PCGF2: variants seen among roughly 807,000 people sequenced by gnomAD.
PCGF2 encodes polycomb group RING finger protein 2.
Under a neutral mutation model 36.1 loss-of-function variants are expected in PCGF2, and 8 were observed. The observed-to-expected ratio is 0.22, with a 90% confidence interval of 0.13 to 0.40. PCGF2 has a LOEUF of 0.40. Ranked by LOEUF, PCGF2 falls within the 10% of genes least tolerant of loss-of-function variation. The pLI is 1.00. For missense variants in PCGF2, 436 were observed against 475.9 expected, an observed-to-expected ratio of 0.92 and a Z score of 0.78; for synonymous variants, 198 against 191.2, an observed-to-expected ratio of 1.04 and a Z score of -0.29.
At chr17:38,741,091 C>T (rs986463716) in intron 2 of PCGF2, among the ~76,000 whole-genome samples, 1 of 151,960 alleles carries the variant, frequency 6.6e-6, no homozygotes, top group South Asian at 2.1e-4. Context: ...GTTTTTAAAA[C>T]TCTTTCCAAT....
intron 2 of PCGF2, among the ~76,000 whole-genome samples, chr17:38,742,831 G>A (rs529558807): frequency 2.0e-5 from 3 of 152,330 alleles, no homozygotes; most frequent in African/African-American, 7.2e-5. Context: ...GGTACTTCCT[G>A]TGACTGCCTG....
upstream of PCGF2, chr17:38,749,430 C>G (rs1041881336): frequency 1.2e-5 from 4 of 329,682 alleles, no homozygotes; most frequent in Non-Finnish European, 2.5e-5. The surrounding 1 kb of genome is among the most constrained non-coding windows in gnomAD (Gnocchi z 6.5). Context: ...GGCTTGGAAA[C>G]GCCGGGAGTA....
chr17:38,749,756 C>G (rs1567639764), upstream of PCGF2: 2 of 453,548 alleles, frequency 4.4e-6, no homozygotes, highest in Middle Eastern at 3.3e-4. The surrounding 1 kb of genome is among the most constrained non-coding windows in gnomAD (Gnocchi z 6.5). Flanking sequence ...GCCCTCTGGC[C>G]GGCGACCAGG....
At position 38,738,866 on chromosome 17, in the gene PCGF2, A is replaced by G; in HGVS notation, c.317-5T>C. The G allele has an allele frequency of 6.2e-7, 1 of 1,611,180 alleles. No homozygotes were observed. Among genetic ancestry groups the G allele is most frequent in the Non-Finnish European group, 8.5e-7 (1 of 1,177,534 alleles). On this transcript the variant is annotated splice_polypyrimidine_tract_variant and splice_region_variant and intron_variant, in intron 6 of 10. Transcript: ENST00000620225. ...CCTCATTGGAGCCGTTGGGGACTGC[A>G]GAAGGAAAGAGCTCTCGGGTTGGCG...
upstream of PCGF2, chr17:38,749,439 T>G: frequency 6.1e-6 from 2 of 330,478 alleles, no homozygotes; most frequent in Non-Finnish European, 1.3e-5. The surrounding 1 kb of genome is among the most constrained non-coding windows in gnomAD (Gnocchi z 6.5). Context: ...ACGCCGGGAG[T>G]AGCGGTGAGG....
chr17:38,740,499 C>A, intron 2 of PCGF2, 57 bp from the exon 3 acceptor site: 2 of 1,348,698 alleles, frequency 1.5e-6, no homozygotes, highest in South Asian at 1.4e-5. Flanking sequence ...GTGGTTCACG[C>A]CTGTAATCCC....
rs768593615 is a variant in PCGF2 at position 38,736,153 on chromosome 17, C to G, written c.594G>C (p.Glu198Asp). 5.7e-6 allele frequency: 9 copies of G among 1,575,716 alleles called. No homozygotes were observed. In the South Asian group the frequency reaches 1.0e-4, roughly 18 times the overall value. The change falls in exon 10 of 11, where the codon GAG (glutamate) becomes GAC (aspartate). Residue 198 changes from glutamate (E) to aspartate (D), a missense_variant. Glu to Asp is a conservative substitution (Grantham distance 45). This residue lies in a region of PCGF2 where 227 missense variants were observed against 212.9 expected (regional missense o/e 1.07). Transcript: ENST00000620225. Reference sequence around the variant, plus strand: ...TGTAGTATTCCTTCAGTGGCTCGTCCTCGTACAGAACCTCCACCTGGGGGA... The same window carrying G: ...TGTAGTATTCCTTCAGTGGCTCGTCGTCGTACAGAACCTCCACCTGGGGGA... The part of the protein sequence containing the change: ...PSKYKVEVLY[E>D]DEPLKEYYTL...
chr17:38,743,854 G>C (rs977280067), intron 2 of PCGF2, among the ~76,000 whole-genome samples: 1 of 152,154 alleles, frequency 6.6e-6, no homozygotes, highest in Non-Finnish European at 1.5e-5. Flanking sequence ...GGTGTGCTGT[G>C]AGAAGGTGAG....
upstream of PCGF2, chr17:38,748,416 T>C (rs1006031): frequency 6.7e-6 from 1 of 149,506 alleles, no homozygotes; most frequent in Non-Finnish European, 1.5e-5. Context: ...GGAGACAAAA[T>C]GGCTTTTTTC....
chr17:38,739,908 G>A lies in PCGF2; in HGVS notation c.113-226C>T, dbSNP rs968114186. On this transcript the variant is annotated intron_variant, in intron 3 of 10. Transcript: ENST00000620225. The surrounding 1 kb of genome is among the most constrained non-coding windows in gnomAD (Gnocchi z 4.0). ...GGCCAGTGTCATGTACAATGCAGAA[G>A]GTCAGCCCTGAGTCCCAAGCTCCCC... is the stretch of plus-strand genomic sequence containing the variant. Among the ~76,000 whole-genome samples the A allele has an allele frequency of 2.0e-5, 3 of 152,142 alleles. No homozygotes were observed. The highest frequency in any genetic ancestry group is 7.2e-5 in the African/African-American group (3 of 41,424).
rs774454060 is a variant in PCGF2 at position 38,739,061 on chromosome 17, C to T, written c.316+7G>A. 1.9e-6 allele frequency: 3 copies of T among 1,612,488 alleles called. No homozygotes were observed. In the South Asian group the frequency reaches 3.3e-5, roughly 18 times the overall value. On this transcript the variant is annotated splice_region_variant and intron_variant, in intron 6 of 10. Coordinates refer to ENST00000620225, the MANE Select transcript of PCGF2 (RefSeq NM_007144.3). The surrounding 1 kb of genome is among the most constrained non-coding windows in gnomAD (Gnocchi z 4.0). ...GTGCACACACAAACAGACGCGAGCA[C>T]ACTCACCCTCCGTCAGGGGGTACGC...
intron 2 of PCGF2, among the ~76,000 whole-genome samples, chr17:38,743,711 C>T (rs1295095974): frequency 2.6e-5 from 4 of 152,114 alleles, no homozygotes; most frequent in Admixed American, 2.6e-4. Context: ...CCTGCAGGGC[C>T]CTGCCAGCAG....
At chr17:38,747,589 G>T (rs535529997) in intron 2 of PCGF2, among the ~76,000 whole-genome samples, 2 of 151,938 alleles carry the variant, frequency 1.3e-5, no homozygotes, top group East Asian at 1.9e-4. Context: ...GCGCCGGGAC[G>T]GGGAGCGGGG....
intron 10 of PCGF2, 73 bp downstream of exon 10, chr17:38,736,017 G>A: frequency 1.0e-6 from 1 of 953,948 alleles, no homozygotes; most frequent in Non-Finnish European, 1.7e-6. Flanking sequence ...ACAGAAGGGT[G>A]GCCCATGTGG....
rs1359329506 is a variant in PCGF2 at position 38,739,915 on chromosome 17, C to T, written c.113-233G>A. ...GTCATGTACAATGCAGAAGGTCAGC[C>T]CTGAGTCCCAAGCTCCCCGATGGAG... On this transcript the variant is annotated intron_variant, in intron 3 of 10. Coordinates refer to ENST00000620225, the MANE Select transcript of PCGF2 (RefSeq NM_007144.3). This position sits in a 1 kb window ranked among gnomAD's most constrained non-coding sequence, Gnocchi z 4.0. 1.3e-5 allele frequency among the ~76,000 whole-genome samples: 2 copies of T among 152,128 alleles called. No homozygotes were observed. Among genetic ancestry groups the T allele is most frequent in the Non-Finnish European group, 2.9e-5 (2 of 68,032 alleles).
In PCGF2 at chr17:38,738,589, C is replaced by T. The variant is rs767910083; in HGVS notation, c.432G>A (p.Arg144=). ...TCTCCAGGGGGCCCTTCTTCTCGTC[C>T]CGGTCCCTGGGGACGGAGAAAGAAT... The part of the protein sequence containing the change: ...SIEFYEGARD[R]DEKKGPLENG... Residue 144 remains arginine (R), a synonymous_variant, in exon 8 of 11, where the codon CGG becomes CGA. Transcript: ENST00000620225. 2 of 1,574,296 alleles carry T rather than the reference C, an allele frequency of 1.3e-6. No homozygotes were observed. Among genetic ancestry groups the T allele is most frequent in the Non-Finnish European group, 1.7e-6 (2 of 1,160,844 alleles).
rs924074230 is a variant in PCGF2 at position 38,739,944 on chromosome 17, G to A, written c.113-262C>T. 4.6e-5 allele frequency among the ~76,000 whole-genome samples: 7 copies of A among 152,128 alleles called. No individual in the cohort carries two copies. Among genetic ancestry groups the A allele is most frequent in the Non-Finnish European group, 5.9e-5 (4 of 68,018 alleles). Reference sequence around the variant, plus strand: ...AGTCCCAAGCTCCCCGATGGAGTGGGGGACAAAAGCCAGCGTGTTCAAGAT... The same window carrying A: ...AGTCCCAAGCTCCCCGATGGAGTGGAGGACAAAAGCCAGCGTGTTCAAGAT... On this transcript the variant is annotated intron_variant, in intron 3 of 10. Coordinates refer to ENST00000620225, the MANE Select transcript of PCGF2 (RefSeq NM_007144.3). The surrounding 1 kb of genome is among the most constrained non-coding windows in gnomAD (Gnocchi z 4.0).
chr17:38,740,233 G>A (rs903698135), intron 3 of PCGF2, 58 bp downstream of exon 3: 66 of 1,481,668 alleles, frequency 4.5e-5, no homozygotes, highest in Non-Finnish European at 5.6e-5. Flanking sequence ...GGCCGTGCCC[G>A]CCCCAATCTG....
At chr17:38,747,019 C>T (rs1907577009) in intron 2 of PCGF2, among the ~76,000 whole-genome samples, 1 of 152,116 alleles carries the variant, frequency 6.6e-6, no homozygotes, top group Admixed American at 6.6e-5. Context: ...AGGAGACAGC[C>T]CTCCCCTCGA....
Sources: gnomAD v4.1 joint callset for allele counts (sites outside exome capture counted in the v4.1 genomes callset) on GRCh38, gnomAD v4.1.1 for gene constraint, gnomAD v4.1.1 regional missense constraint, Gnocchi (gnomAD v3.1) non-coding constraint, MANE v1.5 for transcripts, NCBI Gene and HGNC (gene_info 2026-07-23, HGNC 2026-07-21) for gene names.